PALM2AKAP2: variants seen among roughly 807,000 people sequenced by gnomAD.
PALM2AKAP2 encodes the protein PALM2-AKAP2 fusion protein.
A neutral mutation model predicts 71.5 loss-of-function variants in PALM2AKAP2; 37 were observed. The observed-to-expected ratio is 0.52, with a 90% CI of 0.40 to 0.68. The LOEUF (loss-of-function observed/expected upper bound fraction) is 0.68. PALM2AKAP2 is among the 30% of genes least tolerant of loss of function. The probability of loss-of-function intolerance (pLI) is 0.00; values close to 1 mark genes in which losing one functional copy is unlikely to be tolerated. For missense variants in PALM2AKAP2, 1,224 were observed against 1,191.8 expected (o/e 1.03, Z -0.40); for synonymous variants, 468 against 478.8 (o/e 0.98, Z 0.29).
Position 110,024,089 on chromosome 9 carries a change from T to A in PALM2AKAP2, c.582+8050T>A, listed in dbSNP as rs188036874. Reference sequence around the variant, plus strand: ...GTTAGAGGCTCTAAATTGTAGTTCTTTTTTTAAATAACACAACTTTATTAA... The same window carrying A: ...GTTAGAGGCTCTAAATTGTAGTTCTATTTTTAAATAACACAACTTTATTAA... On this transcript the variant is annotated intron_variant, in intron 7 of 9. Transcript: ENST00000302798. Among the ~76,000 whole-genome samples the A allele has an allele frequency of 5.2e-3, 788 of 152,352 alleles. 2 individuals carry two copies. Among genetic ancestry groups the A allele is most frequent in the Middle Eastern group, 6.8e-3 (2 of 294 alleles).
At chr9:110,042,969 C>A (rs1833533050) in intron 7 of PALM2AKAP2, among the ~76,000 whole-genome samples, 2 of 152,046 alleles carry the variant, frequency 1.3e-5, no homozygotes, top group African/African-American at 4.8e-5. Flanking sequence ...TGTGGTCACC[C>A]TGTTGTCCTA....
At chr9:109,834,329 G>A (rs1213187842) in intron 1 of PALM2AKAP2, among the ~76,000 whole-genome samples, 1 of 152,224 alleles carries the variant, frequency 6.6e-6, no homozygotes, top group Admixed American at 6.5e-5. Flanking sequence ...GGGCCATTTT[G>A]TAACAGGCAG....
intron 1 of PALM2AKAP2, among the ~76,000 whole-genome samples, chr9:109,828,941 T>C (rs1212431330): frequency 6.6e-6 from 1 of 152,218 alleles, no homozygotes; most frequent in Non-Finnish European, 1.5e-5. Flanking sequence ...GATGATGTGA[T>C]GTTGGGGTGT....
At chr9:109,997,412 C>T (rs901147428) in intron 6 of PALM2AKAP2, among the ~76,000 whole-genome samples, 1 of 152,146 alleles carries the variant, frequency 6.6e-6, no homozygotes, top group Non-Finnish European at 1.5e-5. Flanking sequence ...GCTGTCATTA[C>T]TGCTACTATT....
chr9:109,839,474 A>G (rs1295440619), intron 1 of PALM2AKAP2, among the ~76,000 whole-genome samples: 1 of 152,234 alleles, frequency 6.6e-6, no homozygotes, highest in African/African-American at 2.4e-5. Flanking sequence ...GAAAACTGGC[A>G]CAAGACAGGG....
intron 6 of PALM2AKAP2, among the ~76,000 whole-genome samples, chr9:109,950,158 T>A (rs1451899858): frequency 6.6e-6 from 1 of 152,014 alleles, no homozygotes; most frequent in Non-Finnish European, 1.5e-5. Context: ...GCCAGCATGG[T>A]GGCACACACC....
At chr9:109,672,927 T>A (rs1172259456) in intron 1 of PALM2AKAP2, among the ~76,000 whole-genome samples, 1 of 152,102 alleles carries the variant, frequency 6.6e-6, no homozygotes, top group Non-Finnish European at 1.5e-5. Context: ...TGGTTTGTAT[T>A]TCTGTGAGGT....
chr9:109,919,611 A>T (rs1412372173), intron 3 of PALM2AKAP2, among the ~76,000 whole-genome samples: 1 of 151,928 alleles, frequency 6.6e-6, no homozygotes, highest in Admixed American at 6.6e-5. Flanking sequence ...TTTGGGTATT[A>T]TTGGGATATA....
intron 1 of PALM2AKAP2, among the ~76,000 whole-genome samples, chr9:109,774,888 T>C (rs1402531512): frequency 6.6e-6 from 1 of 152,232 alleles, no homozygotes; most frequent in East Asian, 1.9e-4. Context: ...AGTTCCTGTC[T>C]TTTCTGTGTC....
chr9:110,021,971 G>A (rs1348616242), intron 7 of PALM2AKAP2, among the ~76,000 whole-genome samples: 1 of 152,142 alleles, frequency 6.6e-6, no homozygotes, highest in Non-Finnish European at 1.5e-5. Context: ...CAGTCTGGGG[G>A]TGGCAATGTG....
At chr9:109,972,540 A>T (rs969025870) in intron 6 of PALM2AKAP2, among the ~76,000 whole-genome samples, 1 of 152,132 alleles carries the variant, frequency 6.6e-6, no homozygotes, top group African/African-American at 2.4e-5. Flanking sequence ...TCTGCTGCTG[A>T]CTGGCTGGAT....
intron 1 of PALM2AKAP2, among the ~76,000 whole-genome samples, chr9:109,653,391 G>A (rs983884258): frequency 2.6e-5 from 4 of 152,222 alleles, no homozygotes; most frequent in African/African-American, 7.2e-5. Context: ...CTGAACCTCT[G>A]AAAGGCATTA....
intron 1 of PALM2AKAP2, among the ~76,000 whole-genome samples, chr9:109,691,866 A>ATATATATG (rs1282684285): frequency 2.5e-5 from 1 of 39,372 alleles, no homozygotes; most frequent in African/African-American, 9.4e-5. Flanking sequence ...ATATATATAT[A>ATATATATG]TACACACACA....
chr9:110,116,693 G>C (rs534423746), intron 1 of PALM2AKAP2, among the ~76,000 whole-genome samples: 1 of 152,306 alleles, frequency 6.6e-6, no homozygotes, highest in Admixed American at 6.5e-5. Context: ...ACTTTTCTGG[G>C]AACAGGCAGC....
chr9:109,786,126 C>T lies in PALM2AKAP2; in HGVS notation c.45+5593C>T, dbSNP rs973662103. Reference sequence around the variant, plus strand: ...CTCATTGGCTTTTCGTTGGATTCGCCTCTCCATGCCTTTTCTTGCCTGGGA... The same window carrying T: ...CTCATTGGCTTTTCGTTGGATTCGCTTCTCCATGCCTTTTCTTGCCTGGGA... On this transcript the variant is annotated intron_variant, in intron 1 of 9. Coordinates refer to the PALM2AKAP2 transcript ENST00000302798. 8.5e-5 allele frequency among the ~76,000 whole-genome samples: 13 copies of T among 152,368 alleles called. No homozygotes were observed. The East Asian group carries it at 1.2e-3, about 14-fold the overall frequency.
intron 1 of PALM2AKAP2, among the ~76,000 whole-genome samples, chr9:109,772,884 C>T (rs552498230): frequency 3.6e-4 from 55 of 152,250 alleles, no homozygotes; most frequent in African/African-American, 1.2e-3. Context: ...TTTGGGAGGC[C>T]GAAGCGGGCG....
At chr9:109,668,626 GT>G (rs1827528131) in intron 1 of PALM2AKAP2, among the ~76,000 whole-genome samples, 1 of 152,192 alleles carries the variant, frequency 6.6e-6, no homozygotes, top group Non-Finnish European at 1.5e-5. Context: ...CATAGAGTCT[GT>G]CTGTCTCTGT....
chr9:109,826,228 G>A (rs1334093289), intron 1 of PALM2AKAP2, among the ~76,000 whole-genome samples: 1 of 151,798 alleles, frequency 6.6e-6, no homozygotes, highest in Non-Finnish European at 1.5e-5. Context: ...GGTGGGGGTA[G>A]GGGGGAGGGA....
intron 6 of PALM2AKAP2, among the ~76,000 whole-genome samples, chr9:109,942,425 T>C (rs1198988975): frequency 6.6e-6 from 1 of 152,146 alleles, no homozygotes; most frequent in African/African-American, 2.4e-5. Flanking sequence ...GTGCCCTTAT[T>C]TTAGCAGATC....
Sources: allele counts gnomAD v4.1 joint callset (sites outside exome capture counted in the v4.1 genomes callset), GRCh38; gene constraint gnomAD v4.1.1; transcripts MANE v1.5; gene names NCBI Gene and HGNC (gene_info 2026-07-23, HGNC 2026-07-21).